The following HS6ST2 variants were observed in gnomAD, a reference collection of about 807,000 sequenced individuals.
HS6ST2 encodes heparan sulfate 6-O-sulfotransferase 2.
A neutral mutation model predicts 33.0 loss-of-function variants in HS6ST2; 17 were observed. That is an observed-to-expected ratio of 0.52 (90% CI 0.35 to 0.77). The LOEUF (loss-of-function observed/expected upper bound fraction) is 0.77, where lower values mean the gene tolerates loss of function less well. HS6ST2 is among the 30% of genes least tolerant of loss of function. HS6ST2 has a pLI of 0.01. For synonymous variants in HS6ST2, 248 were observed against 237.1 expected, an observed-to-expected ratio of 1.05 and a Z score of -0.42; for missense variants, 519 against 551.7, an observed-to-expected ratio of 0.94 and a Z score of 0.59.
intron 2 of HS6ST2, among the ~76,000 whole-genome samples, chrX:132,819,414 C>CA (rs928753168): frequency 9.0e-6 from 1 of 111,237 alleles, no homozygotes; most frequent in African/African-American, 3.3e-5. Flanking sequence ...ATGCTGGAGA[C>CA]AAAAAAATTA....
At chrX:132,853,317 CTT>C (rs57523861) in intron 2 of HS6ST2, among the ~76,000 whole-genome samples, 13,707 of 94,034 alleles carry the variant, frequency 0.15, 867 homozygotes, top group East Asian at 0.33. Context: ...GGGTGCCTGG[CTT>C]TTTTTTTTTT....
At chrX:132,959,992 G>A (rs962067277), upstream of HS6ST2, among the ~76,000 whole-genome samples, 2 of 112,266 alleles carry the variant, frequency 1.8e-5, no homozygotes, top group East Asian at 5.6e-4. Context: ...ACTGGGGACC[G>A]TGAGGGACCC....
intron 2 of HS6ST2, among the ~76,000 whole-genome samples, chrX:132,908,991 GAAAAAAAAA>G (rs397975321): frequency 2.4e-5 from 1 of 40,843 alleles, no homozygotes; most frequent in Non-Finnish European, 4.5e-5. Flanking sequence ...GAACTCCACT[GAAAAAAAAA>G]AAAAAAAAAA....
At chrX:132,748,991 C>G in intron 2 of HS6ST2, among the ~76,000 whole-genome samples, 1 of 111,573 alleles carries the variant, frequency 9.0e-6, no homozygotes, top group South Asian at 3.9e-4. Flanking sequence ...CCTCTCATCT[C>G]TAAACCGAGA....
chrX:132,844,171 G>C (rs1448280048), intron 2 of HS6ST2, among the ~76,000 whole-genome samples: 4 of 111,438 alleles, frequency 3.6e-5, no homozygotes, highest in South Asian at 3.8e-4. Flanking sequence ...TGGGGGAGTG[G>C]GGATGAAGGA....
At chrX:132,849,601 C>T (rs188225237) in intron 2 of HS6ST2, among the ~76,000 whole-genome samples, 3 of 111,984 alleles carry the variant, frequency 2.7e-5, no homozygotes, top group African/African-American at 9.7e-5. Context: ...GTGGGGCACA[C>T]TGACTTTATA....
chrX:132,758,041 C>G (rs1328592338), intron 2 of HS6ST2, among the ~76,000 whole-genome samples: 1 of 112,245 alleles, frequency 8.9e-6, no homozygotes, highest in East Asian at 2.8e-4. Context: ...CTTGGGCATA[C>G]AACTTTCAGA....
At chrX:132,867,794 T>C (rs1229758887) in intron 2 of HS6ST2, among the ~76,000 whole-genome samples, 1 of 111,245 alleles carries the variant, frequency 9.0e-6, no homozygotes, top group Non-Finnish European at 1.9e-5. Context: ...AGCACTAACA[T>C]GGAAAGGAAA....
At chrX:132,707,214 A>C (rs1201634234) in intron 3 of HS6ST2, among the ~76,000 whole-genome samples, 1 of 112,156 alleles carries the variant, frequency 8.9e-6, no homozygotes, top group Non-Finnish European at 1.9e-5. Flanking sequence ...CGAGGAAATT[A>C]AGGCTCAGAG....
Position 132,957,795 on chromosome X carries a change from G to A in HS6ST2, c.428+380C>T, listed in dbSNP as rs146485339. Among the ~76,000 whole-genome samples the A allele has an allele frequency of 9.5e-3, 1,055 of 111,280 alleles. 23 individuals are homozygous for A. In the East Asian group the frequency reaches 0.097, roughly 10 times the overall value. ...GGCTCTTCTGCCCCTATCCTCTTTG[G>A]AGCGCACACCTCTGTCCGGGTTTCT... On this transcript the variant is annotated intron_variant, in intron 1 of 4. Transcript: ENST00000370833.
intron 2 of HS6ST2, among the ~76,000 whole-genome samples, chrX:132,776,261 G>C (rs2064957538): frequency 8.9e-6 from 1 of 112,027 alleles, no homozygotes; most frequent in South Asian, 3.7e-4. Flanking sequence ...GTTGCAAAGA[G>C]AGCTGTCTGA....
chrX:132,728,893 C>A (rs1270099546), intron 2 of HS6ST2, among the ~76,000 whole-genome samples: 1 of 112,619 alleles, frequency 8.9e-6, no homozygotes, highest in African/African-American at 3.2e-5. Flanking sequence ...CTGAAACTTG[C>A]CCTTATGGCC....
intron 2 of HS6ST2, among the ~76,000 whole-genome samples, chrX:132,737,031 C>T (rs2064516259): frequency 8.9e-6 from 1 of 111,925 alleles, no homozygotes; most frequent in Non-Finnish European, 1.9e-5. Context: ...AACCTGAATT[C>T]ACAGAATGAA....
intron 2 of HS6ST2, among the ~76,000 whole-genome samples, chrX:132,714,033 T>C (rs1419809318): frequency 8.9e-6 from 1 of 111,928 alleles, no homozygotes; most frequent in African/African-American, 3.3e-5. Flanking sequence ...AATGACACAA[T>C]CCATAAACAC....
intron 2 of HS6ST2, among the ~76,000 whole-genome samples, chrX:132,731,130 G>A (rs1366321575): frequency 1.8e-5 from 2 of 111,994 alleles, no homozygotes; most frequent in African/African-American, 3.2e-5. Context: ...TGAGAACCCA[G>A]ATATCCTGAC....
intron 2 of HS6ST2, among the ~76,000 whole-genome samples, chrX:132,831,477 G>A (rs2065589606): frequency 1.8e-5 from 2 of 111,219 alleles, no homozygotes; most frequent in South Asian, 7.6e-4. Context: ...GACTAGCAAC[G>A]TGCGGGCCTC....
chrX:132,786,761 A>G (rs2065065045), intron 2 of HS6ST2, among the ~76,000 whole-genome samples: 1 of 109,099 alleles, frequency 9.2e-6, no homozygotes, highest in Non-Finnish European at 1.9e-5. Flanking sequence ...AGCTGGGATT[A>G]CAGGCGCCTG....
At chrX:132,811,765 T>C (rs1260507442) in intron 2 of HS6ST2, among the ~76,000 whole-genome samples, 5 of 93,729 alleles carry the variant, frequency 5.3e-5, no homozygotes, top group African/African-American at 2.0e-4. Context: ...GCATGCAATG[T>C]GTATTAATCA....
intron 3 of HS6ST2, among the ~76,000 whole-genome samples, chrX:132,676,972 C>T: frequency 8.9e-6 from 1 of 112,422 alleles, no homozygotes; most frequent in Non-Finnish European, 1.9e-5. Flanking sequence ...CTCCTCTTTC[C>T]TGGGGAAGTG....
Sources: allele counts gnomAD v4.1 joint callset (sites outside exome capture counted in the v4.1 genomes callset), GRCh38; gene constraint gnomAD v4.1.1; transcripts MANE v1.5; gene names NCBI Gene and HGNC (gene_info 2026-07-23, HGNC 2026-07-21).